The following ACSS3 variants were observed in gnomAD, a reference collection of about 807,000 sequenced individuals.
The protein encoded by ACSS3 is acyl-CoA synthetase short-chain family member 3, mitochondrial.
In ACSS3, 64 loss-of-function variants were observed where a neutral mutation model predicts 84.2. That is an observed-to-expected ratio of 0.76 (90% CI 0.62 to 0.94). ACSS3 has a LOEUF of 0.94. Ranked by LOEUF, ACSS3 falls within the 40% of genes least tolerant of loss-of-function variation. ACSS3 has a pLI of 0.00. For synonymous variants in ACSS3, 317 were observed against 310.1 expected (o/e 1.02, Z -0.23); for missense variants, 815 against 867.6 (o/e 0.94, Z 0.76).
At chr12:81,253,098 T>C (rs2034202758) in intron 13 of ACSS3, among the ~76,000 whole-genome samples, 1 of 152,196 alleles carries the variant, frequency 6.6e-6, no homozygotes, top group Admixed American at 6.5e-5. Context: ...ACCATGGGGA[T>C]TCTAAGCATT....
At position 81,139,647 on chromosome 12, in the gene ACSS3, T is replaced by TA. The variant is rs1169874532; in HGVS notation, c.780+382_780+383insA. On this transcript the variant is annotated intron_variant, in intron 4 of 15. Coordinates refer to ENST00000548058, the MANE Select transcript of ACSS3 (RefSeq NM_024560.4). Reference sequence around the variant, plus strand: ...TAATAATAATAATAATTATTGTTATTTTTTTTTGAGACAGAGTCTCACTCT... The same window carrying TA: ...TAATAATAATAATAATTATTGTTATTATTTTTTTGAGACAGAGTCTCACTCT... Among the ~76,000 whole-genome samples the TA allele has an allele frequency of 3.8e-4, 55 of 146,628 alleles. No homozygotes were observed. In the East Asian group the frequency reaches 0.011, roughly 29 times the overall value.
chr12:81,178,500 A>G (rs532016601), intron 8 of ACSS3, among the ~76,000 whole-genome samples: 1 of 152,218 alleles, frequency 6.6e-6, no homozygotes, highest in East Asian at 1.9e-4. Flanking sequence ...CTATACACCA[A>G]TTATATCCAA....
At chr12:81,249,754 G>A (rs1409040681) in intron 13 of ACSS3, among the ~76,000 whole-genome samples, 1 of 151,984 alleles carries the variant, frequency 6.6e-6, no homozygotes, top group African/African-American at 2.4e-5. Flanking sequence ...CAGTGTCAGA[G>A]GAAATTTTTA....
At chr12:81,157,269 T>C (rs985633652) in intron 7 of ACSS3, among the ~76,000 whole-genome samples, 7 of 152,214 alleles carry the variant, frequency 4.6e-5, no homozygotes, top group Non-Finnish European at 8.8e-5. Context: ...ATCATATTAA[T>C]TGATGTAGAA....
intron 1 of ACSS3, among the ~76,000 whole-genome samples, chr12:81,103,236 C>T (rs1882676077): frequency 1.3e-5 from 2 of 152,090 alleles, no homozygotes; most frequent in Non-Finnish European, 2.9e-5. Flanking sequence ...AACTATGAAA[C>T]TACATAACAA....
chr12:81,147,581 C>T (rs529251084), intron 5 of ACSS3, among the ~76,000 whole-genome samples: 11 of 152,108 alleles, frequency 7.2e-5, no homozygotes, highest in African/African-American at 2.4e-4. Flanking sequence ...GTGAAACTTC[C>T]CAGAAGAGGT....
At chr12:81,217,224 G>A (rs1207141208) in intron 10 of ACSS3, among the ~76,000 whole-genome samples, 2 of 152,008 alleles carry the variant, frequency 1.3e-5, no homozygotes, top group East Asian at 3.9e-4. Context: ...TCATTAATAA[G>A]GTATGTTAGG....
intron 7 of ACSS3, among the ~76,000 whole-genome samples, chr12:81,156,860 G>A (rs1176610235): frequency 2.0e-5 from 3 of 152,106 alleles, no homozygotes; most frequent in African/African-American, 7.2e-5. Context: ...TTCTACCAAT[G>A]TTTAAAATAG....
chr12:81,079,605 A>G (rs1880843984), intron 1 of ACSS3, among the ~76,000 whole-genome samples: 1 of 152,130 alleles, frequency 6.6e-6, no homozygotes, highest in Non-Finnish European at 1.5e-5. Context: ...CCTATCAATT[A>G]TTTTTTCAAT....
intron 8 of ACSS3, among the ~76,000 whole-genome samples, chr12:81,193,342 A>T (rs1270946602): frequency 6.6e-6 from 1 of 151,686 alleles, no homozygotes; most frequent in Non-Finnish European, 1.5e-5. Context: ...TTTATTTTTT[A>T]TTTTTTTGCC....
chr12:81,191,175 A>C (rs1041075151), intron 8 of ACSS3, among the ~76,000 whole-genome samples: 1 of 152,082 alleles, frequency 6.6e-6, no homozygotes, highest in African/African-American at 2.4e-5. Flanking sequence ...ATGAACCTAT[A>C]TTGATACTTC....
chr12:81,222,503 G>T (rs545345127), intron 11 of ACSS3, among the ~76,000 whole-genome samples: 34 of 152,092 alleles, frequency 2.2e-4, no homozygotes, highest in South Asian at 1.5e-3. Context: ...ACTTAAAAAG[G>T]ATTCACATAT....
intron 13 of ACSS3, among the ~76,000 whole-genome samples, chr12:81,237,886 T>C (rs2135983785): frequency 6.6e-6 from 1 of 151,806 alleles, no homozygotes; most frequent in African/African-American, 2.4e-5. Flanking sequence ...CACTAGCCAG[T>C]ATGATGTTGA....
chr12:81,135,430 T>C (rs1401905682), intron 3 of ACSS3, among the ~76,000 whole-genome samples: 1 of 144,270 alleles, frequency 6.9e-6, no homozygotes, highest in Non-Finnish European at 1.5e-5. Context: ...TAAATATATA[T>C]AATATATAAT....
At chr12:81,148,498 C>CAAATGTTAAATGTTATTTAAA (rs2135745881) in intron 5 of ACSS3, among the ~76,000 whole-genome samples, 1 of 152,240 alleles carries the variant, frequency 6.6e-6, no homozygotes, top group African/African-American at 2.4e-5. Context: ...TTTTTAAACA[C>CAAATGTTAAATGTTATTTAAA]CATAAACATT....
At chr12:81,152,194 G>T (rs878983464) in intron 7 of ACSS3, 98 bp downstream of exon 7, 6 of 853,480 alleles carry the variant, frequency 7.0e-6, no homozygotes, top group Admixed American at 5.2e-5. Context: ...TTGGGGTGGG[G>T]ACAGGGGACA....
At chr12:81,217,066 G>A in intron 10 of ACSS3, 70 bp downstream of exon 10, 1 of 1,283,868 alleles carries the variant, frequency 7.8e-7, no homozygotes, top group Non-Finnish European at 1.1e-6. Context: ...TGTGTATTAT[G>A]TTGCATGAAA....
chr12:81,173,535 T>A (rs2030237005), intron 7 of ACSS3, among the ~76,000 whole-genome samples: 1 of 152,148 alleles, frequency 6.6e-6, no homozygotes, highest in South Asian at 2.1e-4. Context: ...TAGTGTCCTA[T>A]CAATGATCTA....
At chr12:81,219,450 G>T (rs531161705) in intron 10 of ACSS3, among the ~76,000 whole-genome samples, 18 of 152,144 alleles carry the variant, frequency 1.2e-4, no homozygotes, top group Non-Finnish European at 2.4e-4. Flanking sequence ...TGCACCAAGG[G>T]TTACTGAATG....
Sources: allele counts gnomAD v4.1 joint callset (sites outside exome capture counted in the v4.1 genomes callset), GRCh38; gene constraint gnomAD v4.1.1; transcripts MANE v1.5; gene names NCBI Gene and HGNC (gene_info 2026-07-23, HGNC 2026-07-21).